TULP4: variants seen among roughly 807,000 people sequenced by gnomAD.
The protein encoded by TULP4 is tubby-related protein 4.
In TULP4, 16 loss-of-function variants were observed where a neutral mutation model predicts 129.0. The ratio of observed to expected loss-of-function variants is 0.12; its 90% CI spans 0.08 to 0.19. The LOEUF is 0.19. Ranked by LOEUF, TULP4 falls within the 10% of genes least tolerant of loss-of-function variation. The pLI, the probability that TULP4 is intolerant of heterozygous loss-of-function variation, is 1.00. For synonymous variants in TULP4, 998 were observed against 854.0 expected, an observed-to-expected ratio of 1.17 and a Z score of -2.94; for missense variants, 1,842 against 2,059.1, an observed-to-expected ratio of 0.89 and a Z score of 2.04.
chr6:158,368,875 A>G (rs2114867843), intron 1 of TULP4, among the ~76,000 whole-genome samples: 1 of 152,338 alleles, frequency 6.6e-6, no homozygotes, highest in Non-Finnish European at 1.5e-5. Flanking sequence ...TAGTAATTGC[A>G]TAGTATTTAA....
intron 1 of TULP4, among the ~76,000 whole-genome samples, chr6:158,248,097 C>A (rs1007784211): frequency 5.3e-5 from 8 of 152,170 alleles, no homozygotes; most frequent in Non-Finnish European, 8.8e-5. Context: ...GTTAAATAAT[C>A]AGAGAATTTA....
chr6:158,381,581 G>C (rs1777326880), intron 1 of TULP4, among the ~76,000 whole-genome samples: 1 of 152,160 alleles, frequency 6.6e-6, no homozygotes, highest in African/African-American at 2.4e-5. Flanking sequence ...CAGTCATAGG[G>C]CTCTGCTTTT....
chr6:158,417,030 A>C (rs1778226833), intron 2 of TULP4, among the ~76,000 whole-genome samples: 1 of 152,204 alleles, frequency 6.6e-6, no homozygotes, highest in African/African-American at 2.4e-5. Flanking sequence ...GAGTAAGTGC[A>C]CCCTGTGATG....
At chr6:158,242,016 G>A in intron 1 of TULP4, 1 of 819,236 alleles carries the variant, frequency 1.2e-6, no homozygotes, top group Non-Finnish European at 2.2e-6. Context: ...TAATGGTAAT[G>A]ATGTTATTTG....
At chr6:158,369,059 T>G (rs1777010402) in intron 1 of TULP4, among the ~76,000 whole-genome samples, 1 of 152,214 alleles carries the variant, frequency 6.6e-6, no homozygotes, top group South Asian at 2.1e-4. Flanking sequence ...TTATTAGAAT[T>G]CATTTAAAAA....
chr6:158,365,538 G>A (rs1780919413), intron 1 of TULP4, among the ~76,000 whole-genome samples: 1 of 149,016 alleles, frequency 6.7e-6, no homozygotes, highest in Non-Finnish European at 1.5e-5. Context: ...GTGCAGTGGT[G>A]CGATCTCAGC....
chr6:158,293,141 T>C (rs1778973744), intron 1 of TULP4, among the ~76,000 whole-genome samples: 1 of 152,238 alleles, frequency 6.6e-6, no homozygotes. Flanking sequence ...GATAATTACA[T>C]GTTCATATTC....
intron 1 of TULP4, among the ~76,000 whole-genome samples, chr6:158,351,965 G>A (rs547636202): frequency 3.7e-4 from 56 of 151,976 alleles, no homozygotes; most frequent in African/African-American, 1.1e-3. Flanking sequence ...CAGATGATGC[G>A]TCTGCCTTGG....
intron 1 of TULP4, among the ~76,000 whole-genome samples, chr6:158,379,092 T>G (rs928062372): frequency 4.6e-5 from 7 of 151,526 alleles, no homozygotes; most frequent in African/African-American, 1.2e-4. Flanking sequence ...TGGGAGAGAG[T>G]CCAGGCTGGC....
chr6:158,408,507 G>C (rs370960328), intron 1 of TULP4, among the ~76,000 whole-genome samples: 1 of 152,154 alleles, frequency 6.6e-6, no homozygotes, highest in African/African-American at 2.4e-5. Context: ...TTTGCGGTGT[G>C]CCTGGCCCCG....
At chr6:158,373,542 C>T (rs1727489248) in intron 1 of TULP4, among the ~76,000 whole-genome samples, 2 of 152,108 alleles carry the variant, frequency 1.3e-5, no homozygotes, top group Admixed American at 1.3e-4. Flanking sequence ...TGTTCAGTTC[C>T]ACTTACAAAC....
intron 2 of TULP4, among the ~76,000 whole-genome samples, chr6:158,424,330 AC>A (rs1352477023): frequency 2.0e-5 from 3 of 152,024 alleles, no homozygotes; most frequent in African/African-American, 7.3e-5. Context: ...GCTCACTGCA[AC>A]CTCCGCCTCC....
chr6:158,437,190 T>G (rs1778771512), intron 3 of TULP4, among the ~76,000 whole-genome samples: 1 of 152,220 alleles, frequency 6.6e-6, no homozygotes, highest in Non-Finnish European at 1.5e-5. Flanking sequence ...GAATCAGGAC[T>G]TGAGTAGTTA....
intron 1 of TULP4, among the ~76,000 whole-genome samples, chr6:158,259,993 T>C (rs1024998113): frequency 2.0e-5 from 3 of 152,200 alleles, no homozygotes; most frequent in Non-Finnish European, 2.9e-5. Context: ...CTCAGGTGTT[T>C]ATCGTATCAG....
At chr6:158,278,271 C>T (rs1255635921), upstream of TULP4, among the ~76,000 whole-genome samples, 2 of 152,132 alleles carry the variant, frequency 1.3e-5, no homozygotes, top group African/African-American at 4.8e-5. Flanking sequence ...GTACAATGAG[C>T]TGTATTGACA....
chr6:158,297,527 A>G (rs2128473685), intron 1 of TULP4, among the ~76,000 whole-genome samples: 1 of 152,316 alleles, frequency 6.6e-6, no homozygotes, highest in Non-Finnish European at 1.5e-5. Context: ...ATTATTAGGG[A>G]AGTGATAAAT....
At chr6:158,430,733 G>A (rs897144856) in intron 3 of TULP4, among the ~76,000 whole-genome samples, 9 of 152,234 alleles carry the variant, frequency 5.9e-5, no homozygotes, top group South Asian at 2.1e-4. Flanking sequence ...GTGACAGAGC[G>A]ATACTCCATC....
intron 1 of TULP4, among the ~76,000 whole-genome samples, chr6:158,387,300 ATCTG>A (rs1449076055): frequency 6.6e-6 from 1 of 152,180 alleles, no homozygotes; most frequent in East Asian, 1.9e-4. Flanking sequence ...TTAGATGACG[ATCTG>A]TCAGTCCCGT....
Position 158,501,997 on chromosome 6 carries a change from G to A in TULP4, c.2334G>A (p.Pro778=), listed in dbSNP as rs34386232. The A allele has an allele frequency of 1.0e-3, 1,667 of 1,606,044 alleles. 12 individuals are homozygous for A. In the African/African-American group the frequency reaches 0.02, roughly 19 times the overall value. ...QNPPPLSLPP[P]PQGPMQLSTV... is the part of the protein sequence containing the mutation. ...CCCCTCCACTGTCCCTGCCTCCCCC[G>A]CCGCAGGGGCCCATGCAGCTGTCCA... Residue 778 remains proline (P), a synonymous_variant, in exon 13 of 14, where the codon CCG becomes CCA. Coordinates refer to ENST00000367097, the MANE Select transcript of TULP4 (RefSeq NM_020245.5).
Sources: allele counts gnomAD v4.1 joint callset (sites outside exome capture counted in the v4.1 genomes callset), GRCh38; gene constraint gnomAD v4.1.1; transcripts MANE v1.5; gene names NCBI Gene and HGNC (gene_info 2026-07-23, HGNC 2026-07-21).